RNLS: variants seen among roughly 807,000 people sequenced by gnomAD.
The protein encoded by RNLS is renalase, FAD dependent amine oxidase, also known as renalase.
Under a neutral mutation model 39.8 loss-of-function variants are expected in RNLS, and 39 were observed. The ratio of observed to expected loss-of-function variants is 0.98; its 90% CI spans 0.76 to 1.28. The LOEUF is 1.28. Among genes scored for constraint, RNLS ranks in the 50% most tolerant of loss-of-function variants. RNLS has a pLI of 0.00. For synonymous variants in RNLS, 147 were observed against 150.7 expected (o/e 0.98, Z 0.18); for missense variants, 410 against 413.3 (o/e 0.99, Z 0.07).
the RNLS span, among the ~76,000 whole-genome samples, chr10:88,243,236 T>C: frequency 6.6e-6 from 1 of 152,208 alleles, no homozygotes; most frequent in African/African-American, 2.4e-5. Context: ...GATGATAAAT[T>C]CAAATTTACA....
intron 4 of RNLS, among the ~76,000 whole-genome samples, chr10:88,392,472 C>T (rs1209756271): frequency 6.6e-6 from 1 of 152,128 alleles, no homozygotes; most frequent in Non-Finnish European, 1.5e-5. Flanking sequence ...AAGGTGTGCT[C>T]CAAATGCACA....
intron 4 of RNLS, among the ~76,000 whole-genome samples, chr10:88,571,963 C>A (rs1351789923): frequency 6.6e-6 from 1 of 152,188 alleles, no homozygotes; most frequent in Non-Finnish European, 1.5e-5. Context: ...CACTGAGTTA[C>A]ATCTCATCTG....
At chr10:88,434,551 C>T (rs1855343150) in intron 4 of RNLS, among the ~76,000 whole-genome samples, 1 of 152,134 alleles carries the variant, frequency 6.6e-6, no homozygotes, top group South Asian at 2.1e-4. Flanking sequence ...AGTTGCTTAA[C>T]ATTGCTGAAT....
chr10:88,430,094 G>A (rs1390794098), intron 4 of RNLS, among the ~76,000 whole-genome samples: 1 of 151,692 alleles, frequency 6.6e-6, no homozygotes, highest in Non-Finnish European at 1.5e-5. Context: ...AAATCAATAT[G>A]GGGAGAATAT....
chr10:88,369,447 T>G (rs1048106535), intron 4 of RNLS, among the ~76,000 whole-genome samples: 3 of 152,196 alleles, frequency 2.0e-5, no homozygotes, highest in Non-Finnish European at 4.4e-5. Flanking sequence ...CTCCTGTTCC[T>G]TCCTGCTTTG....
At chr10:88,275,467 T>C (rs1842781140) in intron 6 of RNLS, among the ~76,000 whole-genome samples, 1 of 152,230 alleles carries the variant, frequency 6.6e-6, no homozygotes, top group South Asian at 2.1e-4. Flanking sequence ...ACATATTTAT[T>C]GCAACAATGT....
At chr10:88,542,840 C>A (rs1848118604) in intron 4 of RNLS, among the ~76,000 whole-genome samples, 1 of 152,110 alleles carries the variant, frequency 6.6e-6, no homozygotes, top group Non-Finnish European at 1.5e-5. Flanking sequence ...ATAAGATAAG[C>A]AGCATCTCCA....
chr10:88,235,905 T>G, the RNLS span, among the ~76,000 whole-genome samples: 1 of 152,040 alleles, frequency 6.6e-6, no homozygotes, highest in Non-Finnish European at 1.5e-5. Flanking sequence ...TATCGCTGCT[T>G]ACTCTAGCCT....
chr10:88,233,722 G>A, the RNLS span, among the ~76,000 whole-genome samples: 5 of 152,098 alleles, frequency 3.3e-5, no homozygotes, highest in East Asian at 3.9e-4. Context: ...GAGTAAGCCT[G>A]TTCCCTCTGT....
At chr10:88,465,852 A>C (rs1843173249) in intron 4 of RNLS, among the ~76,000 whole-genome samples, 2 of 152,090 alleles carry the variant, frequency 1.3e-5, no homozygotes, top group South Asian at 2.1e-4. Flanking sequence ...ATACAGTTAT[A>C]AATAATAATT....
chr10:88,575,256 G>A (rs980875892), intron 3 of RNLS, among the ~76,000 whole-genome samples: 12 of 141,974 alleles, frequency 8.5e-5, no homozygotes, highest in African/African-American at 2.7e-4. Flanking sequence ...ACACCAAGGT[G>A]TATATGTATA....
At chr10:88,566,905 A>G (rs1590033085) in intron 4 of RNLS, among the ~76,000 whole-genome samples, 1 of 152,164 alleles carries the variant, frequency 6.6e-6, no homozygotes, top group South Asian at 2.1e-4. Flanking sequence ...ACTAGTAACA[A>G]TAAGATATAT....
chr10:88,202,712 G>A, the RNLS span, among the ~76,000 whole-genome samples: 1 of 152,232 alleles, frequency 6.6e-6, no homozygotes, highest in African/African-American at 2.4e-5. Flanking sequence ...AGAAAGGGCA[G>A]ATCCCAGGAC....
At chr10:88,358,583 T>C (rs897337331) in intron 5 of RNLS, among the ~76,000 whole-genome samples, 1 of 152,248 alleles carries the variant, frequency 6.6e-6, no homozygotes, top group Non-Finnish European at 1.5e-5. Context: ...GAGCCCTTTT[T>C]CAAAGAGCAA....
At chr10:88,275,106 A>G (rs1842764838) in intron 6 of RNLS, 1 of 1,090,968 alleles carries the variant, frequency 9.2e-7, no homozygotes, top group Middle Eastern at 2.0e-4. Flanking sequence ...GTCTACACTA[A>G]TAGTGGTTCT....
At chr10:88,258,113 A>G in the RNLS span, among the ~76,000 whole-genome samples, 2 of 152,188 alleles carry the variant, frequency 1.3e-5, no homozygotes, top group African/African-American at 4.8e-5. Context: ...AAATCACAGT[A>G]TTTCTGGGAG....
chr10:88,330,568 T>G (rs1447730366), intron 5 of RNLS, among the ~76,000 whole-genome samples: 1 of 152,090 alleles, frequency 6.6e-6, no homozygotes, highest in East Asian at 1.9e-4. Flanking sequence ...TTAACATTGC[T>G]CTGGTTGGTA....
At chr10:88,211,280 A>T in the RNLS span, among the ~76,000 whole-genome samples, 4 of 152,174 alleles carry the variant, frequency 2.6e-5, no homozygotes, top group African/African-American at 9.7e-5. Flanking sequence ...CAATGCATGC[A>T]TGCATCCATC....
In RNLS at chr10:88,314,451, G is replaced by A. The variant is rs1397736762; in HGVS notation, c.876+15C>T. 1 of 1,612,864 alleles carries A rather than the reference G, an allele frequency of 6.2e-7. No homozygotes were observed. Among genetic ancestry groups the A allele is most frequent in the Admixed American group, 1.7e-5 (1 of 59,996 alleles). ...AGAAAATTGTTGTGCTTAGACCACT[G>A]GATTCTTTGATTACCTGTGAATGTC... On this transcript the variant is annotated intron_variant, in intron 6 of 6. Coordinates refer to ENST00000331772, the MANE Select transcript of RNLS (RefSeq NM_001031709.3).
Sources: gnomAD v4.1 joint callset for allele counts (sites outside exome capture counted in the v4.1 genomes callset) on GRCh38, gnomAD v4.1.1 for gene constraint, MANE v1.5 for transcripts, NCBI Gene and HGNC (gene_info 2026-07-23, HGNC 2026-07-21) for gene names.